The following PIK3C2G variants were observed in gnomAD, a reference collection of about 807,000 sequenced individuals.
The protein encoded by PIK3C2G is phosphatidylinositol 3-kinase C2 domain-containing subunit gamma.
In PIK3C2G, 168 loss-of-function variants were observed where a neutral mutation model predicts 181.1. The ratio of observed to expected loss-of-function variants is 0.93; its 90% CI spans 0.82 to 1.05. The LOEUF (loss-of-function observed/expected upper bound fraction) is 1.05. PIK3C2G is among the 50% of genes least tolerant of loss of function. The probability of loss-of-function intolerance (pLI) is 0.00; values close to 1 mark genes in which losing one functional copy is unlikely to be tolerated. For missense variants in PIK3C2G, 1,869 were observed against 1,732.8 expected (o/e 1.08, Z -1.40); for synonymous variants, 573 against 592.2 (o/e 0.97, Z 0.47).
At chr12:18,412,728 T>C (rs1944936208) in intron 16 of PIK3C2G, among the ~76,000 whole-genome samples, 1 of 152,190 alleles carries the variant, frequency 6.6e-6, no homozygotes, top group Admixed American at 6.6e-5. Flanking sequence ...CCAAAACTCT[T>C]TGAAGTCTTC....
chr12:18,243,025 A>G (rs1948001045), upstream of PIK3C2G, among the ~76,000 whole-genome samples: 1 of 152,182 alleles, frequency 6.6e-6, no homozygotes, highest in South Asian at 2.1e-4. Context: ...CCAGAGAAAT[A>G]CAACTTAAAG....
At chr12:18,469,217 A>T (rs1445687165) in intron 18 of PIK3C2G, among the ~76,000 whole-genome samples, 1 of 151,980 alleles carries the variant, frequency 6.6e-6, no homozygotes, top group East Asian at 1.9e-4. Context: ...CAATCTCTAA[A>T]CTATTGCTTC....
At chr12:18,707,877 G>T in the PIK3C2G span, among the ~76,000 whole-genome samples, 1 of 152,112 alleles carries the variant, frequency 6.6e-6, no homozygotes, top group Non-Finnish European at 1.5e-5. Context: ...GTTTTTAAAT[G>T]CATTTTATTG....
At chr12:18,415,990 G>A (rs959587973) in intron 16 of PIK3C2G, among the ~76,000 whole-genome samples, 3 of 152,196 alleles carry the variant, frequency 2.0e-5, no homozygotes, top group Admixed American at 6.5e-5. Flanking sequence ...GCTTATGCCT[G>A]TAATCCCAGC....
chr12:18,547,024 C>A (rs1944467428), intron 26 of PIK3C2G, among the ~76,000 whole-genome samples: 1 of 151,854 alleles, frequency 6.6e-6, no homozygotes, highest in Non-Finnish European at 1.5e-5. Context: ...TAATTCCTGG[C>A]AAATTTTAGG....
chr12:18,446,714 GGCATGAACCAT>G (rs1947050689), intron 18 of PIK3C2G, among the ~76,000 whole-genome samples: 1 of 152,058 alleles, frequency 6.6e-6, no homozygotes, highest in Non-Finnish European at 1.5e-5. Context: ...TTTAATCATT[GGCATGAACCAT>G]GCACAAAAGC....
rs556397980 is a variant in PIK3C2G, at chr12:18,398,786, C to T, written c.2127-873C>T. ...CGCCAAACTTCCCATGAACTCTGAA[C>T]ATTTAAAGACATAATCCAGGGATGA... On this transcript the variant is annotated intron_variant, in intron 15 of 32. Transcript: ENST00000538779. 1.1e-3 allele frequency among the ~76,000 whole-genome samples: 175 copies of T among 152,344 alleles called. 1 individual carries two copies. Among genetic ancestry groups the T allele is most frequent in the African/African-American group, 4.0e-3 (168 of 41,582 alleles).
chr12:18,558,083 C>G (rs1253412676), intron 26 of PIK3C2G, among the ~76,000 whole-genome samples: 1 of 152,046 alleles, frequency 6.6e-6, no homozygotes, highest in Non-Finnish European at 1.5e-5. Context: ...GTAAAATAAT[C>G]ATTCTTCTGG....
At chr12:18,431,799 G>C (rs1252732644) in intron 18 of PIK3C2G, among the ~76,000 whole-genome samples, 1 of 152,164 alleles carries the variant, frequency 6.6e-6, no homozygotes, top group Non-Finnish European at 1.5e-5. Context: ...GTTAGGGAAA[G>C]ATATGTCTCA....
intron 31 of PIK3C2G, among the ~76,000 whole-genome samples, chr12:18,611,168 G>A (rs1349797861): frequency 6.6e-6 from 1 of 152,110 alleles, no homozygotes; most frequent in Non-Finnish European, 1.5e-5. Context: ...ATGCAAGCAT[G>A]AAGCAGGGAT....
At chr12:18,713,930 A>T in the PIK3C2G span, 13 of 152,254 alleles carry the variant, frequency 8.5e-5, no homozygotes, top group African/African-American at 2.9e-4. Context: ...TGTTCATACT[A>T]CAAGAGAGCA....
intron 16 of PIK3C2G, among the ~76,000 whole-genome samples, chr12:18,412,155 G>A (rs1944901995): frequency 1.3e-5 from 2 of 152,114 alleles, no homozygotes; most frequent in African/African-American, 4.8e-5. Context: ...CGATTCCCAA[G>A]TCTGAATGTT....
intron 5 of PIK3C2G, among the ~76,000 whole-genome samples, 199 bp from the exon 6 acceptor site, chr12:18,313,763 T>C (rs1279660544): frequency 6.6e-6 from 1 of 151,832 alleles, no homozygotes; most frequent in Admixed American, 6.6e-5. Context: ...TTTCCTGTCA[T>C]ATTATTCATT....
rs191265507 is a variant in PIK3C2G, at chr12:18,297,781, T to G, written c.1034+3766T>G. The stretch of plus-strand genomic sequence containing the variant: ...TAGTTCCCACATATGAGTAAGAATA[T>G]AGAATATTTTGGCTTGTTTTACTTA... On this transcript the variant is annotated intron_variant, in intron 5 of 32. Coordinates refer to ENST00000538779, the MANE Select transcript of PIK3C2G (RefSeq NM_001288772.2). Among the ~76,000 whole-genome samples, 7 of 152,152 alleles carry G rather than the reference T, an allele frequency of 4.6e-5. No individual in the cohort carries two copies. The East Asian group carries it at 1.3e-3, about 29-fold the overall frequency.
chr12:18,291,064 G>A (rs1443116498), intron 4 of PIK3C2G, 52 bp downstream of exon 4: 32 of 1,082,806 alleles, frequency 3.0e-5, no homozygotes, highest in Non-Finnish European at 4.2e-5. Flanking sequence ...TGGTATTGGC[G>A]ACGTAGCCTT....
At chr12:18,346,597 T>C (rs759995197) in intron 10 of PIK3C2G, 44 bp from the exon 11 acceptor site, 2 of 1,137,186 alleles carry the variant, frequency 1.8e-6, no homozygotes, top group South Asian at 1.4e-5. Flanking sequence ...CTATGATAAA[T>C]ATGGCCCTTC....
chr12:18,598,282 T>C (rs1426198923), intron 30 of PIK3C2G, among the ~76,000 whole-genome samples: 4 of 151,854 alleles, frequency 2.6e-5, no homozygotes, highest in Non-Finnish European at 4.4e-5. Context: ...AACAGCATGG[T>C]ACTGGTACCA....
At chr12:18,296,074 T>C (rs1175731106) in intron 5 of PIK3C2G, among the ~76,000 whole-genome samples, 1 of 152,130 alleles carries the variant, frequency 6.6e-6, no homozygotes, top group Non-Finnish European at 1.5e-5. Context: ...AATTTTCTGA[T>C]AATACTTCAA....
At chr12:18,563,591 AAC>A in intron 28 of PIK3C2G, 93 bp downstream of exon 28, 2 of 1,225,246 alleles carry the variant, frequency 1.6e-6, no homozygotes, top group Non-Finnish European at 2.3e-6. Context: ...ATTTGTGAGA[AAC>A]ACAGTATTCT....
Sources: allele counts gnomAD v4.1 joint callset (sites outside exome capture counted in the v4.1 genomes callset), GRCh38; gene constraint gnomAD v4.1.1; transcripts MANE v1.5; gene names NCBI Gene and HGNC (gene_info 2026-07-23, HGNC 2026-07-21).